The following PUS10 variants were observed in gnomAD, a reference collection of about 807,000 sequenced individuals.
PUS10 encodes the protein pseudouridine synthase 10.
Under a neutral mutation model 75.0 loss-of-function variants are expected in PUS10, and 59 were observed. That is an observed-to-expected ratio of 0.79 (90% CI 0.64 to 0.98). PUS10 has a LOEUF of 0.98. Ranked by LOEUF, PUS10 falls within the 50% of genes least tolerant of loss-of-function variation. The probability of loss-of-function intolerance (pLI) is 0.00; values close to 1 mark genes in which losing one functional copy is unlikely to be tolerated. For synonymous variants in PUS10, 219 were observed against 211.6 expected (o/e 1.03, Z -0.30); for missense variants, 650 against 614.4 (o/e 1.06, Z -0.61).
intron 2 of PUS10, among the ~76,000 whole-genome samples, chr2:61,011,179 T>C (rs1297113379): frequency 6.6e-6 from 1 of 152,194 alleles, no homozygotes; most frequent in African/African-American, 2.4e-5. Flanking sequence ...GAATCAAACA[T>C]TTCATAAAGA....
At chr2:60,987,674 G>A (rs1285560016) in intron 4 of PUS10, among the ~76,000 whole-genome samples, 1 of 152,060 alleles carries the variant, frequency 6.6e-6, no homozygotes, top group Non-Finnish European at 1.5e-5. Context: ...GGCTCGTGCC[G>A]CACTTTGGGA....
chr2:60,999,385 C>G (rs1002543139), intron 4 of PUS10, among the ~76,000 whole-genome samples: 4 of 152,104 alleles, frequency 2.6e-5, no homozygotes, highest in African/African-American at 4.8e-5. Flanking sequence ...GAGGCCACAC[C>G]AGGAGGATCA....
At chr2:61,001,799 T>C (rs1042552141) in intron 4 of PUS10, among the ~76,000 whole-genome samples, 2 of 152,216 alleles carry the variant, frequency 1.3e-5, no homozygotes, top group African/African-American at 2.4e-5. Context: ...TCAGATGTAT[T>C]TTCCCCCACC....
At chr2:60,982,406 G>C (rs1677452842) in intron 4 of PUS10, among the ~76,000 whole-genome samples, 1 of 152,054 alleles carries the variant, frequency 6.6e-6, no homozygotes, top group African/African-American at 2.4e-5. Flanking sequence ...GGGATTACAG[G>C]TGTGCACCAC....
intron 11 of PUS10, among the ~76,000 whole-genome samples, chr2:60,955,618 TG>T (rs1438453714): frequency 3.9e-5 from 6 of 152,220 alleles, no homozygotes; most frequent in Admixed American, 3.3e-4. Context: ...TGTGAGCCAC[TG>T]CACCTGGACC....
chr2:60,961,366 T>C, intron 10 of PUS10, 97 bp downstream of exon 10: 1 of 897,440 alleles, frequency 1.1e-6, no homozygotes, highest in Non-Finnish European at 1.8e-6. Context: ...TAGAATCTAA[T>C]AACAACAATA....
intron 8 of PUS10, among the ~76,000 whole-genome samples, chr2:60,964,241 A>C (rs1169672617): frequency 6.6e-6 from 1 of 152,234 alleles, no homozygotes; most frequent in Non-Finnish European, 1.5e-5. Context: ...GCATTAGGCA[A>C]ATGTTACAAA....
chr2:60,953,820 A>T, intron 14 of PUS10, 113 bp downstream of exon 14: 1 of 759,122 alleles, frequency 1.3e-6, no homozygotes, highest in Non-Finnish European at 2.3e-6. Context: ...CCCCATTTGT[A>T]GTTGTGTTGT....
chr2:60,991,475 G>C (rs1190384056), intron 4 of PUS10, among the ~76,000 whole-genome samples: 1 of 152,032 alleles, frequency 6.6e-6, no homozygotes, highest in Non-Finnish European at 1.5e-5. Flanking sequence ...TTTTATTTGA[G>C]AGAGAGAGTC....
intron 4 of PUS10, among the ~76,000 whole-genome samples, chr2:61,004,158 G>C (rs1264429354): frequency 6.6e-6 from 1 of 152,168 alleles, no homozygotes; most frequent in Non-Finnish European, 1.5e-5. Context: ...CATGGCACTA[G>C]AGAAATCACA....
chr2:60,960,017 A>G (rs1348486874), intron 11 of PUS10, among the ~76,000 whole-genome samples: 1 of 151,630 alleles, frequency 6.6e-6, no homozygotes, highest in Non-Finnish European at 1.5e-5. Context: ...CCCAATCTCT[A>G]AAAATATGTT....
At chr2:60,997,103 G>A (rs544752530) in intron 4 of PUS10, among the ~76,000 whole-genome samples, 78 of 152,276 alleles carry the variant, frequency 5.1e-4, no homozygotes, top group African/African-American at 1.7e-3. Context: ...TACATTCACA[G>A]AAGCAAGTTC....
Position 60,942,422 on chromosome 2 carries a change from A to G in PUS10, c.1563T>C (p.Val521=). 1 of 1,613,212 alleles carries G rather than the reference A, an allele frequency of 6.2e-7. No homozygotes were observed. Among genetic ancestry groups the G allele is most frequent in the South Asian group, 1.1e-5 (1 of 91,072 alleles). Residue 521 remains valine, a synonymous_variant, in exon 18 of 18, where the codon GTT becomes GTC. Transcript: ENST00000316752. ...ILELDVESVD[V]DWPPALDD ...AGTCATCCAGAGCAGGTGGCCAGTCAACATCTACAGACTAGAAGGGAGAAA... is the reference window on the plus strand; with the variant it reads ...AGTCATCCAGAGCAGGTGGCCAGTCGACATCTACAGACTAGAAGGGAGAAA...
intron 4 of PUS10, among the ~76,000 whole-genome samples, chr2:60,993,630 C>G (rs1393860159): frequency 6.6e-6 from 1 of 152,010 alleles, no homozygotes; most frequent in East Asian, 1.9e-4. Context: ...GGTATCTAGT[C>G]TAGAAAACAG....
intron 14 of PUS10, among the ~76,000 whole-genome samples, chr2:60,953,654 T>C (rs1372194307): frequency 1.3e-5 from 2 of 152,256 alleles, no homozygotes; most frequent in Non-Finnish European, 2.9e-5. Flanking sequence ...TGTACAAGTC[T>C]TTGTGTGGAT....
chr2:60,960,540 G>C (rs1327477127), intron 10 of PUS10, 23 bp from the exon 11 acceptor site: 3 of 1,556,664 alleles, frequency 1.9e-6, no homozygotes, highest in Non-Finnish European at 8.6e-7. Context: ...TAATCAGATA[G>C]CCTGGATGGA....
intron 11 of PUS10, among the ~76,000 whole-genome samples, chr2:60,956,635 T>C (rs1675669013): frequency 6.6e-6 from 1 of 152,140 alleles, no homozygotes; most frequent in African/African-American, 2.4e-5. Flanking sequence ...CAAAAGCATT[T>C]GATTCAGACT....
At chr2:61,012,092 G>A (rs967946085) in intron 1 of PUS10, among the ~76,000 whole-genome samples, 187 bp from the exon 2 acceptor site, 6 of 152,042 alleles carry the variant, frequency 3.9e-5, no homozygotes, top group Non-Finnish European at 8.8e-5. Flanking sequence ...AGATGGATCC[G>A]GTAAAGGTTT....
chr2:60,958,687 T>C (rs1675827953), intron 11 of PUS10, among the ~76,000 whole-genome samples: 1 of 152,070 alleles, frequency 6.6e-6, no homozygotes, highest in South Asian at 2.1e-4. Flanking sequence ...AGTTTGAGAC[T>C]AGCCTTGGCA....
Sources: allele counts gnomAD v4.1 joint callset (sites outside exome capture counted in the v4.1 genomes callset), GRCh38; gene constraint gnomAD v4.1.1; transcripts MANE v1.5; gene names NCBI Gene and HGNC (gene_info 2026-07-23, HGNC 2026-07-21).